The following EYA4 variants were observed in gnomAD, a reference collection of about 807,000 sequenced individuals.
EYA4 encodes EYA transcriptional coactivator and phosphatase 4.
EYA4 carries 31 observed loss-of-function variants against 87.9 expected under a neutral mutation model. The ratio of observed to expected loss-of-function variants is 0.35; its 90% CI spans 0.27 to 0.48. EYA4 has a LOEUF of 0.48. Among genes scored for constraint, EYA4 ranks in the 20% least tolerant of loss-of-function variants. The pLI is 0.99. For synonymous variants in EYA4, 263 were observed against 270.6 expected, an observed-to-expected ratio of 0.97 and a Z score of 0.28; for missense variants, 678 against 761.4, an observed-to-expected ratio of 0.89 and a Z score of 1.29.
intron 3 of EYA4, among the ~76,000 whole-genome samples, chr6:133,436,572 A>G (rs1791702222): frequency 6.6e-6 from 1 of 152,250 alleles, no homozygotes. Flanking sequence ...TTACGTGAAT[A>G]GAAGCTATTG....
chr6:133,329,219 T>G (rs1038019330), intron 2 of EYA4, among the ~76,000 whole-genome samples: 1 of 152,128 alleles, frequency 6.6e-6, no homozygotes, highest in African/African-American at 2.4e-5. Flanking sequence ...TTTTCTGAAC[T>G]TATTTTTTCC....
intron 10 of EYA4, among the ~76,000 whole-genome samples, chr6:133,467,473 T>C (rs74855363): frequency 1.3e-5 from 2 of 152,244 alleles, no homozygotes; most frequent in African/African-American, 4.8e-5. Flanking sequence ...ACCACTGTTT[T>C]ACTCTGAGAG....
At chr6:133,258,508 G>A (rs945657128) in intron 1 of EYA4, among the ~76,000 whole-genome samples, 10 of 152,142 alleles carry the variant, frequency 6.6e-5, no homozygotes, top group Non-Finnish European at 1.5e-4. Context: ...AATTTGAAAT[G>A]AGGAAAGTGT....
chr6:133,371,890 G>T (rs751373842), intron 2 of EYA4, among the ~76,000 whole-genome samples: 39 of 152,142 alleles, frequency 2.6e-4, no homozygotes, highest in Non-Finnish European at 4.4e-4. Flanking sequence ...TGAGGTCAAA[G>T]AGGAAGAAAT....
chr6:133,515,592 TGA>T (rs72138737), intron 17 of EYA4, among the ~76,000 whole-genome samples, 157 bp downstream of exon 17: 49 of 145,620 alleles, frequency 3.4e-4, no homozygotes, highest in East Asian at 6.1e-4. Context: ...TGCATGTGCA[TGA>T]GAGAGAGAGA....
intron 13 of EYA4, among the ~76,000 whole-genome samples, chr6:133,487,641 C>T (rs953374544): frequency 1.3e-5 from 2 of 152,136 alleles, no homozygotes; most frequent in Admixed American, 6.5e-5. Context: ...AAGCTTGCTT[C>T]CTTGAAGGGA....
chr6:133,468,824 C>G (rs1795077496), intron 11 of EYA4, 93 bp downstream of exon 11: 2 of 1,273,960 alleles, frequency 1.6e-6, no homozygotes, highest in South Asian at 2.4e-5. Flanking sequence ...TGGCGGAAAG[C>G]TCCCAGATAA....
intron 13 of EYA4, among the ~76,000 whole-genome samples, chr6:133,496,489 A>G (rs1001793743): frequency 2.6e-5 from 4 of 152,160 alleles, no homozygotes; most frequent in African/African-American, 9.7e-5. Context: ...TTTCCCCTAC[A>G]TGACCACCCT....
At chr6:133,291,627 TA>T (rs906961024) in intron 2 of EYA4, among the ~76,000 whole-genome samples, 9 of 152,150 alleles carry the variant, frequency 5.9e-5, no homozygotes, top group African/African-American at 2.2e-4. Context: ...AAGTTCAAAA[TA>T]AAAAGGCTTT....
intron 10 of EYA4, among the ~76,000 whole-genome samples, chr6:133,467,275 G>A (rs1794934144): frequency 6.6e-6 from 1 of 152,084 alleles, no homozygotes; most frequent in Admixed American, 6.6e-5. Context: ...TTAAATTCTA[G>A]CTCTGAAACT....
At chr6:133,507,654 C>A (rs1243609033) in intron 14 of EYA4, among the ~76,000 whole-genome samples, 1 of 152,116 alleles carries the variant, frequency 6.6e-6, no homozygotes. Flanking sequence ...TGTTAGTTTG[C>A]TGAGAATGAC....
chr6:133,380,248 A>G (rs72997742), intron 2 of EYA4, among the ~76,000 whole-genome samples: 6,544 of 152,240 alleles, frequency 0.043, 233 homozygotes, highest in East Asian at 0.2. Context: ...TATCTAAAGG[A>G]ATTTCTAATT....
intron 3 of EYA4, among the ~76,000 whole-genome samples, chr6:133,433,050 C>T (rs1791330966): frequency 6.6e-6 from 1 of 152,030 alleles, no homozygotes; most frequent in African/African-American, 2.4e-5. Flanking sequence ...AAAGCACATT[C>T]CTTATGTAGA....
chr6:133,468,646 A>G lies in EYA4; in HGVS notation c.885A>G (p.Thr295=). ...YSASTYGAYM[T]SNNTADGTPS... ...CATCAACGTATGGAGCGTATATGAC[A>G]TCGAATAACACAGCCGATGGCACAC... The change falls in exon 11 of 20, where the codon ACA becomes ACG. Residue 295 remains threonine (T), a synonymous_variant. Transcript: ENST00000355286. 6.2e-7 allele frequency: 1 copy of G among 1,612,970 alleles called. No homozygotes were observed. The highest frequency in any genetic ancestry group is 1.1e-5 in the South Asian group (1 of 91,070).
At chr6:133,442,246 A>G (rs555150350) in intron 3 of EYA4, among the ~76,000 whole-genome samples, 2 of 152,216 alleles carry the variant, frequency 1.3e-5, no homozygotes, top group East Asian at 3.9e-4. Context: ...TATACAATAA[A>G]TCAATAGCGA....
chr6:133,406,549 A>G (rs1788726050), intron 3 of EYA4, among the ~76,000 whole-genome samples: 1 of 152,202 alleles, frequency 6.6e-6, no homozygotes, highest in African/African-American at 2.4e-5. Flanking sequence ...ATATTTTGTG[A>G]ATTCTCTTCA....
chr6:133,408,604 C>A (rs1389164986), intron 3 of EYA4, among the ~76,000 whole-genome samples: 7 of 152,150 alleles, frequency 4.6e-5, no homozygotes, highest in Non-Finnish European at 5.9e-5. Flanking sequence ...CAGTGTTGGA[C>A]AAGTTATTTA....
intron 2 of EYA4, among the ~76,000 whole-genome samples, chr6:133,312,837 AT>A (rs958169819): frequency 1.9e-4 from 23 of 120,648 alleles, no homozygotes; most frequent in East Asian, 6.6e-4. Context: ...CACCCTTCTC[AT>A]TTTTTTTTTC....
At chr6:133,359,114 G>T (rs577346532) in intron 2 of EYA4, among the ~76,000 whole-genome samples, 1 of 152,184 alleles carries the variant, frequency 6.6e-6, no homozygotes, top group Non-Finnish European at 1.5e-5. Context: ...TCTGACAAAA[G>T]ATACAGAATC....
Sources: gnomAD v4.1 joint callset for allele counts (sites outside exome capture counted in the v4.1 genomes callset) on GRCh38, gnomAD v4.1.1 for gene constraint, MANE v1.5 for transcripts, NCBI Gene and HGNC (gene_info 2026-07-23, HGNC 2026-07-21) for gene names.